Variants in SLC2A13 observed in about 807,000 individuals in gnomAD.
SLC2A13 encodes the protein solute carrier family 2 member 13.
In SLC2A13, 32 loss-of-function variants were observed where a neutral mutation model predicts 64.4. The observed-to-expected ratio is 0.50, with a 90% CI of 0.37 to 0.67. The LOEUF is 0.67. Ranked by LOEUF, SLC2A13 falls within the 30% of genes least tolerant of loss-of-function variation. SLC2A13 has a pLI of 0.00. For missense variants in SLC2A13, 743 were observed against 829.2 expected (o/e 0.90, Z 1.28); for synonymous variants, 338 against 327.1 (o/e 1.03, Z -0.36).
intron 3 of SLC2A13, among the ~76,000 whole-genome samples, chr12:40,002,661 ACT>A (rs1442319910): frequency 6.6e-6 from 1 of 152,196 alleles, no homozygotes; most frequent in Non-Finnish European, 1.5e-5. Flanking sequence ...GGTCCTTGAG[ACT>A]CTGAGAATAA....
At chr12:39,992,008 A>C (rs1197493786) in intron 3 of SLC2A13, among the ~76,000 whole-genome samples, 1 of 152,158 alleles carries the variant, frequency 6.6e-6, no homozygotes, top group African/African-American at 2.4e-5. Flanking sequence ...CCATTGCCCC[A>C]AAGCTGATTT....
At chr12:39,859,469 G>A (rs924622720) in intron 6 of SLC2A13, among the ~76,000 whole-genome samples, 1 of 151,944 alleles carries the variant, frequency 6.6e-6, no homozygotes, top group African/African-American at 2.4e-5. Flanking sequence ...GAAAACAGGT[G>A]ACTTTAAGTA....
At chr12:39,828,712 G>GT (rs58188254) in intron 7 of SLC2A13, among the ~76,000 whole-genome samples, 2,037 of 149,798 alleles carry the variant, frequency 0.014, 45 homozygotes, top group African/African-American at 0.044. Flanking sequence ...TAGTAACTTA[G>GT]TTTTTTTTTT....
rs747830202 is a variant in SLC2A13, at chr12:40,105,627, A to ACGCCGC, written c.176_181dup (p.Gly59_Gly60dup). The stretch of plus-strand genomic sequence containing the variant: ...CCGCGCCGCGCGCTCCAGGTCCCCG[A>ACGCCGC]CGCCGCCGCCGCCCGCGCCCGCGCT... On this transcript the variant is annotated inframe_insertion, in exon 1 of 10. Coordinates refer to ENST00000280871, the MANE Select transcript of SLC2A13 (RefSeq NM_052885.4). The surrounding 1 kb of genome is among the most constrained non-coding windows in gnomAD (Gnocchi z 4.2). 2.0e-6 allele frequency: 3 copies of ACGCCGC among 1,490,636 alleles called. No homozygotes were observed. Among genetic ancestry groups the ACGCCGC allele is most frequent in the South Asian group, 1.3e-5 (1 of 76,156 alleles). The allele number at this position is 1,490,636 out of a possible 1,614,324, so 92.3% of individuals were successfully genotyped here.
At chr12:39,867,974 A>G (rs1209466143) in intron 5 of SLC2A13, among the ~76,000 whole-genome samples, 1 of 152,240 alleles carries the variant, frequency 6.6e-6, no homozygotes, top group Non-Finnish European at 1.5e-5. Context: ...TAAATTTTTA[A>G]GTAATCACTT....
Position 40,073,546 on chromosome 12 carries a change from A to G in SLC2A13, c.557-25336T>C, listed in dbSNP as rs578116248. 4.6e-5 allele frequency among the ~76,000 whole-genome samples: 7 copies of G among 152,188 alleles called. No homozygotes were observed. In the South Asian group the frequency reaches 1.4e-3, roughly 32 times the overall value. ...TTACGTAGATCTGAGTTTCTGACATATCATTTTTTACATTTCTTGCATGGC... is the reference window on the plus strand; with the variant it reads ...TTACGTAGATCTGAGTTTCTGACATGTCATTTTTTACATTTCTTGCATGGC... On this transcript the variant is annotated intron_variant, in intron 1 of 9. Transcript: ENST00000280871.
chr12:39,969,155 T>G (rs990121845), intron 3 of SLC2A13, among the ~76,000 whole-genome samples: 1 of 152,208 alleles, frequency 6.6e-6, no homozygotes, highest in African/African-American at 2.4e-5. Flanking sequence ...CTGCATAGTA[T>G]TCAATGGTGT....
intron 3 of SLC2A13, among the ~76,000 whole-genome samples, chr12:40,017,089 C>T (rs567657137): frequency 6.8e-4 from 103 of 152,312 alleles, no homozygotes; most frequent in African/African-American, 2.4e-3. Flanking sequence ...AAGGAGTCTA[C>T]ACACTGTAAG....
At chr12:39,886,567 T>A (rs1944471404) in intron 4 of SLC2A13, among the ~76,000 whole-genome samples, 1 of 152,138 alleles carries the variant, frequency 6.6e-6, no homozygotes, top group African/African-American at 2.4e-5. Context: ...TGGCTAATTC[T>A]GAAAAATAGA....
At chr12:40,023,012 T>C (rs1947747855) in intron 3 of SLC2A13, among the ~76,000 whole-genome samples, 1 of 152,208 alleles carries the variant, frequency 6.6e-6, no homozygotes, top group African/African-American at 2.4e-5. Flanking sequence ...CCCTAAGGCA[T>C]GCAGTCAGTG....
chr12:39,945,402 T>C (rs1053179686), intron 4 of SLC2A13, among the ~76,000 whole-genome samples: 1 of 152,180 alleles, frequency 6.6e-6, no homozygotes, highest in Non-Finnish European at 1.5e-5. Flanking sequence ...TGTCTAGGTC[T>C]CTAGCAAGGC....
Position 39,759,833 on chromosome 12 carries a change from A to G in SLC2A13, c.*193T>C, listed in dbSNP as rs557429727. On this transcript the variant is annotated 3_prime_UTR_variant, in exon 10 of 10. Transcript: ENST00000280871. ...ATTAAAATCTCTGTAAATATTTTTT[A>G]AAATATTGTTCCTTGTGGAAAAAAA... The G allele has an allele frequency of 1.8e-6, 1 of 540,552 alleles. No individual in the cohort carries two copies. Among genetic ancestry groups the G allele is most frequent in the South Asian group, 2.7e-5 (1 of 37,072 alleles). 33.5% of individuals were successfully genotyped at this position (540,552 alleles called of 1,614,324 possible). A position where few individuals can be genotyped will look rare whatever the true frequency, so the allele number is the denominator to read the frequency against.
chr12:40,077,101 G>T (rs1251929578), intron 1 of SLC2A13, among the ~76,000 whole-genome samples: 1 of 152,076 alleles, frequency 6.6e-6, no homozygotes, highest in African/African-American at 2.4e-5. Flanking sequence ...CATTTTGAAG[G>T]TTGTCTGTTT....
chr12:40,045,384 T>C (rs1047208014), intron 2 of SLC2A13, among the ~76,000 whole-genome samples: 1 of 151,886 alleles, frequency 6.6e-6, no homozygotes, highest in Non-Finnish European at 1.5e-5. Context: ...ATAAAAGTGA[T>C]GAGTTATCTA....
At chr12:39,944,586 T>C (rs1326164604) in intron 4 of SLC2A13, among the ~76,000 whole-genome samples, 1 of 152,270 alleles carries the variant, frequency 6.6e-6, no homozygotes, top group Non-Finnish European at 1.5e-5. Context: ...CCTTTTACCA[T>C]TATATACTGT....
chr12:40,091,456 G>C (rs1044436959), intron 1 of SLC2A13, among the ~76,000 whole-genome samples: 7 of 152,114 alleles, frequency 4.6e-5, no homozygotes, highest in African/African-American at 1.4e-4. Context: ...CTTTTTTGCT[G>C]TGTTTTTGCA....
At chr12:39,983,252 C>T (rs1018276050) in intron 3 of SLC2A13, among the ~76,000 whole-genome samples, 9 of 133,506 alleles carry the variant, frequency 6.7e-5, no homozygotes, top group Non-Finnish European at 1.3e-4. Flanking sequence ...CATTACCATT[C>T]AGGACATAGG....
At chr12:40,057,834 T>C (rs975752269) in intron 1 of SLC2A13, among the ~76,000 whole-genome samples, 3 of 152,186 alleles carry the variant, frequency 2.0e-5, no homozygotes, top group Non-Finnish European at 2.9e-5. Context: ...GGCAACATAA[T>C]GTCCACCTTA....
At chr12:39,978,961 C>CGCA (rs1555145885) in intron 3 of SLC2A13, among the ~76,000 whole-genome samples, 28 of 149,114 alleles carry the variant, frequency 1.9e-4, no homozygotes, top group African/African-American at 6.9e-4. Context: ...TCTCCCAGCA[C>CGCA]GCAGCTGGAG....
Sources: gnomAD v4.1 joint callset for allele counts (sites outside exome capture counted in the v4.1 genomes callset) on GRCh38, gnomAD v4.1.1 for gene constraint, Gnocchi (gnomAD v3.1) non-coding constraint, MANE v1.5 for transcripts, NCBI Gene and HGNC (gene_info 2026-07-23, HGNC 2026-07-21) for gene names.